TMEM117: variants seen among roughly 807,000 people sequenced by gnomAD.
The protein encoded by TMEM117 is transmembrane protein 117.
In TMEM117, 27 loss-of-function variants were observed where a neutral mutation model predicts 52.4. The ratio of observed to expected loss-of-function variants is 0.51; its 90% CI spans 0.38 to 0.71. TMEM117 has a LOEUF of 0.71. TMEM117 is among the 30% of genes least tolerant of loss of function. TMEM117 has a pLI of 0.00. For missense variants in TMEM117, 556 were observed against 630.5 expected, an observed-to-expected ratio of 0.88 and a Z score of 1.26; for synonymous variants, 215 against 206.3, an observed-to-expected ratio of 1.04 and a Z score of -0.36.
chr12:44,073,557 C>T (rs528409987), intron 3 of TMEM117: 1 of 152,320 alleles, frequency 6.6e-6, no homozygotes, highest in South Asian at 2.1e-4. Flanking sequence ...GCTGGGAACA[C>T]AGATATGTCC....
rs550669666 is a variant in TMEM117, at chr12:44,143,252, A to AT, written c.411-268dup. Among the ~76,000 whole-genome samples, 19 of 152,244 alleles carry AT rather than the reference A, an allele frequency of 1.2e-4. 1 individual carries two copies. The South Asian group carries it at 3.7e-3, about 30-fold the overall frequency. Reference sequence around the variant, plus strand: ...TACCTTTGCTGAGTATTTCTGTTTGATTTTTCAAAAGCTGTCATTAGTCGT... The same window carrying AT: ...TACCTTTGCTGAGTATTTCTGTTTGATTTTTTCAAAAGCTGTCATTAGTCGT... On this transcript the variant is annotated intron_variant, in intron 3 of 7. Transcript: ENST00000266534.
intron 3 of TMEM117, among the ~76,000 whole-genome samples, chr12:43,993,673 C>T (rs185754756): frequency 2.6e-5 from 4 of 152,176 alleles, no homozygotes; most frequent in Admixed American, 2.6e-4. Flanking sequence ...TTAAAAACCA[C>T]CTATAATTCA....
intron 6 of TMEM117, among the ~76,000 whole-genome samples, chr12:44,341,137 C>CT (rs1951411102): frequency 6.6e-6 from 1 of 151,828 alleles, no homozygotes; most frequent in African/African-American, 2.4e-5. Flanking sequence ...GTAACTGGGA[C>CT]TACAGATACA....
chr12:43,879,468 A>G (rs897217410), intron 2 of TMEM117, among the ~76,000 whole-genome samples: 8 of 152,210 alleles, frequency 5.3e-5, no homozygotes, highest in African/African-American at 1.9e-4. Context: ...TTCTCAGTGC[A>G]GGCCTCAAAG....
chr12:44,006,001 T>C (rs1946188821), intron 3 of TMEM117, among the ~76,000 whole-genome samples: 1 of 152,158 alleles, frequency 6.6e-6, no homozygotes, highest in Non-Finnish European at 1.5e-5. Context: ...TTTTTTCCTA[T>C]ATAAATTACC....
At chr12:44,093,160 T>C (rs545949254) in intron 3 of TMEM117, among the ~76,000 whole-genome samples, 12 of 152,284 alleles carry the variant, frequency 7.9e-5, no homozygotes, top group Non-Finnish European at 1.6e-4. Flanking sequence ...TATATTAGGC[T>C]AAATCCTATT....
At chr12:44,116,944 C>G (rs571127978) in intron 3 of TMEM117, among the ~76,000 whole-genome samples, 1 of 152,180 alleles carries the variant, frequency 6.6e-6, no homozygotes, top group South Asian at 2.1e-4. Flanking sequence ...CCTTATGAAT[C>G]TCCATGTTGT....
chr12:43,890,785 C>T (rs1944089640), intron 2 of TMEM117, among the ~76,000 whole-genome samples: 2 of 152,162 alleles, frequency 1.3e-5, no homozygotes, highest in Non-Finnish European at 2.9e-5. Flanking sequence ...CAGCCTCAGC[C>T]TCCCAAAGTG....
At chr12:44,144,025 T>C (rs1051970404) in intron 4 of TMEM117, among the ~76,000 whole-genome samples, 1 of 152,244 alleles carries the variant, frequency 6.6e-6, no homozygotes, top group Non-Finnish European at 1.5e-5. Context: ...AGGTAAGGAA[T>C]GTGGTCTGGC....
At chr12:43,954,707 A>G (rs564183272) in intron 3 of TMEM117, among the ~76,000 whole-genome samples, 108 of 152,288 alleles carry the variant, frequency 7.1e-4, no homozygotes, top group African/African-American at 2.5e-3. Context: ...AGAGGTACAA[A>G]GAGGAGCTGG....
chr12:44,012,993 A>C (rs1279654632), intron 3 of TMEM117, among the ~76,000 whole-genome samples: 8 of 150,810 alleles, frequency 5.3e-5, no homozygotes, highest in African/African-American at 1.7e-4. Flanking sequence ...CTGATTAGGT[A>C]TCACACTTTT....
At chr12:43,930,895 G>C (rs1944861023) in intron 2 of TMEM117, among the ~76,000 whole-genome samples, 1 of 152,156 alleles carries the variant, frequency 6.6e-6, no homozygotes, top group Non-Finnish European at 1.5e-5. Context: ...CAGAGGCCAG[G>C]GTCTTCCTGA....
At chr12:44,211,425 T>C in intron 5 of TMEM117, 38 bp downstream of exon 5, 1 of 1,440,428 alleles carries the variant, frequency 6.9e-7, no homozygotes, top group South Asian at 1.2e-5. Flanking sequence ...CTGCCTTGCC[T>C]CATTCACTGA....
intron 4 of TMEM117, among the ~76,000 whole-genome samples, chr12:44,175,065 A>G (rs1949100041): frequency 6.6e-6 from 1 of 152,234 alleles, no homozygotes; most frequent in African/African-American, 2.4e-5. Context: ...ACCAGGCTTT[A>G]CAGATTTTAA....
At chr12:44,217,155 A>C (rs1949729145) in intron 5 of TMEM117, among the ~76,000 whole-genome samples, 1 of 152,230 alleles carries the variant, frequency 6.6e-6, no homozygotes, top group Admixed American at 6.5e-5. Context: ...AAGACCTAAG[A>C]ATCAGGGGAA....
chr12:44,246,287 A>T lies in TMEM117; in HGVS notation c.608+34900A>T, dbSNP rs934896785. Among the ~76,000 whole-genome samples, 12 of 152,144 alleles carry T rather than the reference A, an allele frequency of 7.9e-5. 1 individual carries two copies. The highest frequency in any genetic ancestry group is 1.6e-4 in the Non-Finnish European group (11 of 67,992). On this transcript the variant is annotated intron_variant, in intron 5 of 7. Transcript: ENST00000266534. Reference sequence around the variant, plus strand: ...TAAATAATAAGATATTCTGGGTTTTATTTTTATGTAATAGAATAAAATAAA... The same window carrying T: ...TAAATAATAAGATATTCTGGGTTTTTTTTTTATGTAATAGAATAAAATAAA...
chr12:44,383,048 A>G (rs1298484278), intron 7 of TMEM117, among the ~76,000 whole-genome samples: 7 of 152,090 alleles, frequency 4.6e-5, no homozygotes, highest in Non-Finnish European at 8.8e-5. Context: ...CTTCAAGGCC[A>G]TGGTTTTGTG....
chr12:43,899,286 T>C (rs1373259899), intron 2 of TMEM117, among the ~76,000 whole-genome samples: 1 of 152,228 alleles, frequency 6.6e-6, no homozygotes, highest in African/African-American at 2.4e-5. Flanking sequence ...CTCCTTTTAC[T>C]GAAAATCTTT....
At chr12:44,086,511 G>A (rs560637673) in intron 3 of TMEM117, among the ~76,000 whole-genome samples, 39 of 152,160 alleles carry the variant, frequency 2.6e-4, no homozygotes, top group Admixed American at 9.2e-4. Flanking sequence ...TACTGTGTGC[G>A]GCCACAACTC....
Sources: gnomAD v4.1 joint callset for allele counts (sites outside exome capture counted in the v4.1 genomes callset) on GRCh38, gnomAD v4.1.1 for gene constraint, MANE v1.5 for transcripts, NCBI Gene and HGNC (gene_info 2026-07-23, HGNC 2026-07-21) for gene names.